Variants in PLOD2 observed in about 807,000 individuals in gnomAD.
The protein encoded by PLOD2 is procollagen-lysine,2-oxoglutarate 5-dioxygenase 2, also known as lysine hydroxylase 2.
In PLOD2, 65 loss-of-function variants were observed where a neutral mutation model predicts 101.0. That is an observed-to-expected ratio of 0.64 (90% confidence interval 0.53 to 0.79). The LOEUF (loss-of-function observed/expected upper bound fraction) is 0.79, where lower values mean the gene tolerates loss of function less well. Among genes scored for constraint, PLOD2 ranks in the 30% least tolerant of loss-of-function variants. The pLI, the probability that PLOD2 is intolerant of heterozygous loss-of-function variation, is 0.00. For synonymous variants in PLOD2, 314 were observed against 302.9 expected (o/e 1.04, Z -0.38); for missense variants, 909 against 914.6 (o/e 0.99, Z 0.08).
At chr3:146,114,776 C>A (rs2108077781) in intron 3 of PLOD2, among the ~76,000 whole-genome samples, 1 of 152,210 alleles carries the variant, frequency 6.6e-6, no homozygotes, top group Middle Eastern at 3.4e-3. Context: ...ACATGAAAAA[C>A]AGGGCACAGA....
At chr3:146,076,718 A>T (rs1936353634) in intron 15 of PLOD2, 64 bp downstream of exon 15, 1 of 828,494 alleles carries the variant, frequency 1.2e-6, no homozygotes, top group Non-Finnish European at 2.0e-6. Context: ...CATATTATTA[A>T]CCAACTGATT....
chr3:146,134,550 T>C (rs577934051), intron 1 of PLOD2, among the ~76,000 whole-genome samples: 140 of 152,320 alleles, frequency 9.2e-4, no homozygotes, highest in African/African-American at 3.2e-3. Context: ...AATGCTTTAT[T>C]AGAGAATATG....
At chr3:146,106,755 T>C (rs1351046795) in intron 4 of PLOD2, 111 bp from the exon 5 acceptor site, 3 of 740,610 alleles carry the variant, frequency 4.1e-6, no homozygotes, top group African/African-American at 1.7e-5. Flanking sequence ...GAAGCCTAAT[T>C]CTTAGGCTGG....
In PLOD2 at chr3:146,100,829, C is replaced by T. The variant is rs547641353; in HGVS notation, c.777+1926G>A. On this transcript the variant is annotated intron_variant, in intron 7 of 19. Coordinates refer to ENST00000282903, the MANE Select transcript of PLOD2 (RefSeq NM_182943.3). ...CAAGTTGAGGATTTTCAACTTCATA[C>T]CTAAGTTCACAGAAAATCATTATAT... Among the ~76,000 whole-genome samples, 3 of 152,146 alleles carry T rather than the reference C, an allele frequency of 2.0e-5. No individual in the cohort carries two copies. The East Asian group carries it at 5.8e-4, about 29-fold the overall frequency.
chr3:146,072,456 G>A, intron 17 of PLOD2, 105 bp downstream of exon 17: 1 of 785,628 alleles, frequency 1.3e-6, no homozygotes, highest in Non-Finnish European at 2.2e-6. Flanking sequence ...TCTAAGTCTA[G>A]AACTCAGAGA....
rs571877053 is a variant in PLOD2, at chr3:146,122,188, T to C, written c.202-940A>G. Among the ~76,000 whole-genome samples, 56 of 152,322 alleles carry C rather than the reference T, an allele frequency of 3.7e-4. 2 individuals carry two copies. The South Asian group carries it at 0.011, about 30-fold the overall frequency. On this transcript the variant is annotated intron_variant, in intron 2 of 19. Coordinates refer to ENST00000282903, the MANE Select transcript of PLOD2 (RefSeq NM_182943.3). ...CCTGTGGGGCTCCCAGCCTCAAATG[T>C]CCTGTTATAACTTATCACTTCCTAT...
In PLOD2 at chr3:146,101,748, T is replaced by C. The variant is rs542414104; in HGVS notation, c.777+1007A>G. Among the ~76,000 whole-genome samples, 9 of 152,306 alleles carry C rather than the reference T, an allele frequency of 5.9e-5. 1 individual carries two copies. Among genetic ancestry groups the C allele is most frequent in the South Asian group, 4.1e-4 (2 of 4,822 alleles). On this transcript the variant is annotated intron_variant, in intron 7 of 19. Transcript: ENST00000282903. ...CTTGTGTTGGCTTGGTTTGGTTTCA[T>C]TTGTAAGATGGAGGAGACTTACTGG...
chr3:146,078,426 T>C (rs13075648), intron 13 of PLOD2, among the ~76,000 whole-genome samples: 4,151 of 151,952 alleles, frequency 0.027, 103 homozygotes, highest in Non-Finnish European at 0.037. Flanking sequence ...CTTATATAAA[T>C]TTGGAAATCG....
chr3:146,153,056 C>G (rs1485485560), intron 1 of PLOD2, among the ~76,000 whole-genome samples: 1 of 152,168 alleles, frequency 6.6e-6, no homozygotes, highest in Non-Finnish European at 1.5e-5. Flanking sequence ...GTGGTGCCAG[C>G]TGGAGGCCAG....
At chr3:146,100,991 A>G (rs190517489) in intron 7 of PLOD2, among the ~76,000 whole-genome samples, 1 of 152,332 alleles carries the variant, frequency 6.6e-6, no homozygotes. Context: ...AAAATCAGAT[A>G]AAACCAGCAT....
intron 4 of PLOD2, among the ~76,000 whole-genome samples, chr3:146,108,715 C>T (rs1937577565): frequency 1.3e-5 from 2 of 152,146 alleles, no homozygotes; most frequent in Non-Finnish European, 2.9e-5. Flanking sequence ...CTTACAACTG[C>T]ACTTGCTTGC....
chr3:146,077,874 G>A lies in PLOD2; in HGVS notation c.1551C>T (p.Leu517=), dbSNP rs774928765. 13 of 1,588,588 alleles carry A rather than the reference G, an allele frequency of 8.2e-6. No individual in the cohort carries two copies. In the South Asian group the frequency reaches 1.2e-4, roughly 15 times the overall value. The change falls in exon 14 of 20, where the codon CTC becomes CTT. Residue 517 remains leucine, a synonymous_variant. Transcript: ENST00000282903. Reference sequence around the variant, plus strand: ...GTAAAAATAACACCTTTGGGGGGCTGAGCATTTGGAATGTTTCCGGAGTAG... The same window carrying A: ...GTAAAAATAACACCTTTGGGGGGCTAAGCATTTGGAATGTTTCCGGAGTAG... ...DSPTPETFQM[L]SPPKGVFMYI...
intron 1 of PLOD2, among the ~76,000 whole-genome samples, chr3:146,139,323 G>A (rs1482457581): frequency 6.6e-6 from 1 of 152,094 alleles, no homozygotes; most frequent in African/African-American, 2.4e-5. Flanking sequence ...AGTAGTGAAG[G>A]ACTCCAAATT....
At chr3:146,148,338 G>GTGCA (rs1553742442) in intron 1 of PLOD2, among the ~76,000 whole-genome samples, 2 of 146,448 alleles carry the variant, frequency 1.4e-5, no homozygotes, top group African/African-American at 2.5e-5. Flanking sequence ...AGGCAGGCAC[G>GTGCA]CACACACACA....
intron 7 of PLOD2, among the ~76,000 whole-genome samples, chr3:146,100,623 C>T (rs1233907894): frequency 3.9e-5 from 6 of 152,128 alleles, no homozygotes; most frequent in Admixed American, 2.6e-4. Flanking sequence ...GATTTGTAGA[C>T]ACAGCAACAT....
chr3:146,111,076 T>C (rs1937622669), intron 3 of PLOD2, among the ~76,000 whole-genome samples: 1 of 152,266 alleles, frequency 6.6e-6, no homozygotes, highest in Non-Finnish European at 1.5e-5. Context: ...TTAATTAATA[T>C]AATATAATTT....
rs1333985868 is a variant in PLOD2 at position 146,161,133 on chromosome 3, G to A, written c.-144C>T. 1 of 445,078 alleles carries A rather than the reference G, an allele frequency of 2.2e-6. No individual in the cohort carries two copies. Among genetic ancestry groups the A allele is most frequent in the Non-Finnish European group, 3.8e-6 (1 of 262,716 alleles). 27.6% of individuals were successfully genotyped at this position (445,078 alleles called of 1,614,324 possible). ...GGGCAAGGCGCGCGGCCGGCAGCCGGAGCGGCGCGTAACGCAGCTGAGTGA... is the reference window on the plus strand; with the variant it reads ...GGGCAAGGCGCGCGGCCGGCAGCCGAAGCGGCGCGTAACGCAGCTGAGTGA... On this transcript the variant is annotated 5_prime_UTR_variant, in exon 1 of 20. Transcript: ENST00000282903.
chr3:146,072,209 A>G (rs149551371), intron 17 of PLOD2, among the ~76,000 whole-genome samples: 5 of 151,862 alleles, frequency 3.3e-5, no homozygotes, highest in African/African-American at 1.2e-4. Flanking sequence ...TTTTCACCAC[A>G]GCTCACTGTG....
chr3:146,087,452 A>T (rs1195729252), intron 9 of PLOD2, among the ~76,000 whole-genome samples: 2 of 151,924 alleles, frequency 1.3e-5, no homozygotes, highest in African/African-American at 4.8e-5. Flanking sequence ...GAAAAATTTA[A>T]CAAAATTCTA....
Sources: allele counts gnomAD v4.1 joint callset (sites outside exome capture counted in the v4.1 genomes callset), GRCh38; gene constraint gnomAD v4.1.1; transcripts MANE v1.5; gene names NCBI Gene and HGNC (gene_info 2026-07-23, HGNC 2026-07-21).